Variants in RRP15 observed in about 807,000 individuals in gnomAD.
RRP15 encodes RRP15-like protein.
Under a neutral mutation model 27.1 loss-of-function variants are expected in RRP15, and 18 were observed. That is an observed-to-expected ratio of 0.66 (90% CI 0.46 to 0.98). RRP15 has a LOEUF of 0.98. Among genes scored for constraint, RRP15 ranks in the 50% least tolerant of loss-of-function variants. The pLI is 0.00. For missense variants in RRP15, 359 were observed against 337.8 expected, an observed-to-expected ratio of 1.06 and a Z score of -0.49; for synonymous variants, 107 against 109.4, an observed-to-expected ratio of 0.98 and a Z score of 0.14.
chr1:218,328,604 A>G (rs1164345034), intron 4 of RRP15, among the ~76,000 whole-genome samples: 1 of 152,062 alleles, frequency 6.6e-6, no homozygotes, highest in Admixed American at 6.5e-5. Context: ...CGGAGCTTGC[A>G]GTGAGCCGAG....
intron 4 of RRP15, among the ~76,000 whole-genome samples, chr1:218,322,898 A>G (rs1244831288): frequency 6.6e-6 from 1 of 152,258 alleles, no homozygotes; most frequent in East Asian, 1.9e-4. Flanking sequence ...CGAGGGATGT[A>G]TGAGCGAGAG....
At chr1:218,330,893 G>C (rs1017113905) in intron 4 of RRP15, 55 bp from the exon 5 acceptor site, 14 of 1,522,186 alleles carry the variant, frequency 9.2e-6, no homozygotes, top group African/African-American at 6.9e-5. Flanking sequence ...GTACCTTTTT[G>C]TTTCCTTATG....
intron 4 of RRP15, among the ~76,000 whole-genome samples, chr1:218,313,084 AT>A (rs2102506174): frequency 6.6e-6 from 1 of 152,210 alleles, no homozygotes; most frequent in Non-Finnish European, 1.5e-5. Context: ...TTCAGCTTTT[AT>A]TTTAGACTAA....
In RRP15 at chr1:218,296,656, A is replaced by C. The variant is rs901187788; in HGVS notation, c.140-5638A>C. Among the ~76,000 whole-genome samples, 10 of 151,958 alleles carry C rather than the reference A, an allele frequency of 6.6e-5. No individual in the cohort carries two copies. In the South Asian group the frequency reaches 2.1e-3, roughly 32 times the overall value. On this transcript the variant is annotated intron_variant, in intron 1 of 4. Coordinates refer to ENST00000366932, the MANE Select transcript of RRP15 (RefSeq NM_016052.4). ...GAGACCTTGTCTCAAAAAAAAAAAA[A>C]GGAAAAGAAAATAAGTGTTGTGAAA...
chr1:218,313,100 G>A (rs1656028404), intron 4 of RRP15, among the ~76,000 whole-genome samples: 1 of 152,142 alleles, frequency 6.6e-6, no homozygotes, highest in Non-Finnish European at 1.5e-5. Context: ...GACTAAGGAG[G>A]TACATGTAGA....
chr1:218,309,786 A>G (rs1448867534), intron 4 of RRP15, among the ~76,000 whole-genome samples: 3 of 152,160 alleles, frequency 2.0e-5, no homozygotes, highest in Non-Finnish European at 4.4e-5. Flanking sequence ...AGATGGACAA[A>G]TGACTTCAAG....
chr1:218,331,638 C>A lies in RRP15; in HGVS notation c.*547C>A, dbSNP rs557206136. 2 of 104,838 alleles carry A rather than the reference C, an allele frequency of 1.9e-5. No individual in the cohort carries two copies. The highest frequency in any genetic ancestry group is 7.1e-4 in the South Asian group (2 of 2,806). The allele number at this position is 104,838 out of a possible 1,614,324, so 6.5% of individuals were successfully genotyped here. A position where few individuals can be genotyped will look rare whatever the true frequency, so the allele number is the denominator to read the frequency against. On this transcript the variant is annotated 3_prime_UTR_variant, in exon 5 of 5. Transcript: ENST00000366932. ...AATCTGGAAGATATGATTTAAGAAA[C>A]AACAGATTTCAACTTTTTTTTTTTT...
chr1:218,330,709 A>G (rs1312263856), intron 4 of RRP15, among the ~76,000 whole-genome samples: 1 of 151,988 alleles, frequency 6.6e-6, no homozygotes, highest in South Asian at 2.1e-4. Context: ...TTTTGCTTTC[A>G]TGTTTCTTTT....
At chr1:218,319,413 T>A (rs971071401) in intron 4 of RRP15, among the ~76,000 whole-genome samples, 2 of 152,166 alleles carry the variant, frequency 1.3e-5, no homozygotes, top group Non-Finnish European at 2.9e-5. Flanking sequence ...TATTCAGTGT[T>A]TACAGTCAAT....
intron 1 of RRP15, among the ~76,000 whole-genome samples, chr1:218,290,451 T>TGTTG (rs374154686): frequency 0.022 from 3,415 of 152,058 alleles, 120 homozygotes; most frequent in African/African-American, 0.077. Context: ...TTGGGTTTTT[T>TGTTG]GTTTGTTTGT....
chr1:218,323,736 G>A (rs929341039), intron 4 of RRP15, among the ~76,000 whole-genome samples: 1 of 152,190 alleles, frequency 6.6e-6, no homozygotes, highest in Non-Finnish European at 1.5e-5. Context: ...TCTCATGCTT[G>A]TTGGCACCCA....
chr1:218,287,970 C>G (rs573821620), intron 1 of RRP15, among the ~76,000 whole-genome samples: 1 of 152,102 alleles, frequency 6.6e-6, no homozygotes, highest in Non-Finnish European at 1.5e-5. Flanking sequence ...CAGTGGCATG[C>G]GGTCTCTTAA....
chr1:218,326,086 C>G (rs959937448), intron 4 of RRP15, among the ~76,000 whole-genome samples: 3 of 152,262 alleles, frequency 2.0e-5, no homozygotes, highest in Non-Finnish European at 4.4e-5. Flanking sequence ...GGGTGGATCA[C>G]GTGAAGTCAG....
In RRP15 at chr1:218,331,016, TA is replaced by T; in HGVS notation, c.775del (p.Met259Ter). ...LRDDFMMGAS[M>X]KDWDKESDGP... ...GTGATGATTTCATGATGGGAGCATC[TA>T]TGAAAGACTGGGACAAGGAAAGTGA... On this transcript the variant is annotated frameshift_variant, in exon 5 of 5. Transcript: ENST00000366932. LOFTEE classifies it high-confidence loss of function. 1 of 1,613,628 alleles carries T rather than the reference TA, an allele frequency of 6.2e-7. No individual in the cohort carries two copies. The highest frequency in any genetic ancestry group is 1.7e-5 in the Admixed American group (1 of 60,012).
Position 218,335,253 on chromosome 1 carries a change from C to T in RRP15, c.*4162C>T, listed in dbSNP as rs961877917. The T allele has an allele frequency of 1.8e-4, 27 of 152,020 alleles. No homozygotes were observed. The highest frequency in any genetic ancestry group is 6.0e-4 in the African/African-American group (25 of 41,394). The allele number at this position is 152,020 out of a possible 1,614,324, so 9.4% of individuals were successfully genotyped here. ...CTTTTTACCTAGAGATGCGGTAAACCTTTTAAATTTAAATTTGCTTTCTTA... is the reference window on the plus strand; with the variant it reads ...CTTTTTACCTAGAGATGCGGTAAACTTTTTAAATTTAAATTTGCTTTCTTA... On this transcript the variant is annotated 3_prime_UTR_variant, in exon 5 of 5. Coordinates refer to ENST00000366932, the MANE Select transcript of RRP15 (RefSeq NM_016052.4).
rs1656437359 is a variant in RRP15, at chr1:218,335,676, G to A, written c.*4585G>A. The A allele has an allele frequency of 6.6e-6, 1 of 152,152 alleles. No homozygotes were observed. The highest frequency in any genetic ancestry group is 1.5e-5 in the Non-Finnish European group (1 of 68,030). 9.4% of individuals were successfully genotyped at this position (152,152 alleles called of 1,614,324 possible). The stretch of plus-strand genomic sequence containing the variant: ...CTATCCCAACTATGAAGAGAATAAA[G>A]CTACAGAGCATCTATCTAGTCTAAT... On this transcript the variant is annotated 3_prime_UTR_variant, in exon 5 of 5. Coordinates refer to ENST00000366932, the MANE Select transcript of RRP15 (RefSeq NM_016052.4).
Position 218,335,669 on chromosome 1 carries a change from G to A in RRP15, c.*4578G>A, listed in dbSNP as rs926545306. On this transcript the variant is annotated 3_prime_UTR_variant, in exon 5 of 5. Coordinates refer to ENST00000366932, the MANE Select transcript of RRP15 (RefSeq NM_016052.4). ...AGTGGGTCTATCCCAACTATGAAGA[G>A]AATAAAGCTACAGAGCATCTATCTA... 6.6e-6 allele frequency: 1 copy of A among 152,112 alleles called. No homozygotes were observed. The highest frequency in any genetic ancestry group is 1.5e-5 in the Non-Finnish European group (1 of 68,026). 9.4% of individuals were successfully genotyped at this position (152,112 alleles called of 1,614,324 possible). A position where few individuals can be genotyped will look rare whatever the true frequency, so the allele number is the denominator to read the frequency against.
chr1:218,302,754 C>G, intron 2 of RRP15, 195 bp downstream of exon 2: 1 of 817,670 alleles, frequency 1.2e-6, no homozygotes, highest in Non-Finnish European at 1.8e-6. Context: ...ACTTTTTAAT[C>G]ATCTATGCAA....
chr1:218,288,655 G>GA (rs1418408759), intron 1 of RRP15, among the ~76,000 whole-genome samples: 1 of 152,202 alleles, frequency 6.6e-6, no homozygotes, highest in Non-Finnish European at 1.5e-5. Context: ...TATGTTTGAG[G>GA]AATCAGGAGG....
Sources: allele counts gnomAD v4.1 joint callset (sites outside exome capture counted in the v4.1 genomes callset), GRCh38; gene constraint gnomAD v4.1.1; transcripts MANE v1.5; gene names NCBI Gene and HGNC (gene_info 2026-07-23, HGNC 2026-07-21).